Variants in ZFHX3 observed in about 807,000 individuals in gnomAD.
ZFHX3 encodes zinc finger homeobox protein 3.
Under a neutral mutation model 279.1 loss-of-function variants are expected in ZFHX3, and 42 were observed. The observed-to-expected ratio is 0.15, with a 90% CI of 0.12 to 0.19. ZFHX3 has a LOEUF of 0.19. Ranked by LOEUF, ZFHX3 falls within the 10% of genes least tolerant of loss-of-function variation. The pLI is 1.00. For synonymous variants in ZFHX3, 2,293 were observed against 1,957.8 expected (o/e 1.17, Z -4.52); for missense variants, 4,981 against 4,754.0 (o/e 1.05, Z -1.40).
intron 3 of ZFHX3, among the ~76,000 whole-genome samples, chr16:72,939,832 C>A (rs1051783192): frequency 6.6e-6 from 1 of 152,070 alleles, no homozygotes; most frequent in African/African-American, 2.4e-5. Flanking sequence ...AGGTTGTGTG[C>A]AGTGCTGTGA....
At chr16:72,931,246 ATT>A (rs1366930090) in intron 3 of ZFHX3, among the ~76,000 whole-genome samples, 1 of 152,110 alleles carries the variant, frequency 6.6e-6, no homozygotes, top group Non-Finnish European at 1.5e-5. Context: ...GCTTGGTGAG[ATT>A]TTGTTTCTGT....
intron 2 of ZFHX3, among the ~76,000 whole-genome samples, chr16:73,591,804 C>T (rs1597016148): frequency 8.4e-6 from 1 of 118,476 alleles, no homozygotes; most frequent in African/African-American, 3.2e-5. Flanking sequence ...GGATGTGGAT[C>T]TTGATTCAAG....
intron 2 of ZFHX3, among the ~76,000 whole-genome samples, chr16:73,645,928 C>G (rs2052614568): frequency 6.6e-6 from 1 of 152,158 alleles, no homozygotes; most frequent in Non-Finnish European, 1.5e-5. Context: ...GTAGCTCATT[C>G]TCCTAAAGCC....
chr16:73,290,105 G>T (rs1294791946), intron 4 of ZFHX3, among the ~76,000 whole-genome samples: 2 of 151,746 alleles, frequency 1.3e-5, no homozygotes, highest in Non-Finnish European at 2.9e-5. Flanking sequence ...TAAATCACAA[G>T]GTTTCAAACA....
intron 2 of ZFHX3, among the ~76,000 whole-genome samples, chr16:73,611,806 C>T (rs911624679): frequency 6.6e-6 from 1 of 152,168 alleles, no homozygotes; most frequent in African/African-American, 2.4e-5. Flanking sequence ...CCACCACCCA[C>T]TTTTATTAAT....
intron 2 of ZFHX3, among the ~76,000 whole-genome samples, chr16:73,597,524 A>G (rs1398615040): frequency 1.3e-5 from 2 of 152,232 alleles, no homozygotes. Flanking sequence ...TAAGATGAGA[A>G]CATATGGGAT....
At chr16:72,914,679 G>A (rs2039397279) in intron 3 of ZFHX3, among the ~76,000 whole-genome samples, 1 of 152,136 alleles carries the variant, frequency 6.6e-6, no homozygotes, top group Admixed American at 6.5e-5. Flanking sequence ...AAGAACTGCT[G>A]CATTCTTACC....
intron 3 of ZFHX3, among the ~76,000 whole-genome samples, chr16:72,916,516 G>A (rs1192261027): frequency 1.3e-5 from 2 of 152,220 alleles, no homozygotes; most frequent in African/African-American, 4.8e-5. Context: ...AACAAAGTTA[G>A]TCAAAAAGTC....
chr16:73,220,845 A>T (rs1347082216), intron 5 of ZFHX3, among the ~76,000 whole-genome samples: 3 of 152,076 alleles, frequency 2.0e-5, no homozygotes, highest in Admixed American at 2.0e-4. Flanking sequence ...TTTCATAAGG[A>T]TGCTCTATAG....
intron 1 of ZFHX3, among the ~76,000 whole-genome samples, chr16:73,801,585 A>G (rs1431565535): frequency 1.3e-5 from 2 of 152,240 alleles, no homozygotes; most frequent in Non-Finnish European, 2.9e-5. Flanking sequence ...TTTTAGGCAT[A>G]TCACTTCATT....
At chr16:73,481,382 A>G (rs77827243) in intron 2 of ZFHX3, among the ~76,000 whole-genome samples, 7,461 of 151,370 alleles carry the variant, frequency 0.049, 251 homozygotes, top group Middle Eastern at 0.11. Context: ...AGCCAAGTTG[A>G]CACATTGCTT....
At chr16:73,820,162 T>C (rs967272612) in intron 1 of ZFHX3, among the ~76,000 whole-genome samples, 3 of 152,108 alleles carry the variant, frequency 2.0e-5, no homozygotes, top group African/African-American at 7.2e-5. Context: ...CAATCTCAGC[T>C]CACTGCAAGC....
At chr16:73,167,579 T>G (rs1422022961) in intron 5 of ZFHX3, among the ~76,000 whole-genome samples, 2 of 152,250 alleles carry the variant, frequency 1.3e-5, no homozygotes, top group African/African-American at 4.8e-5. Flanking sequence ...TCCGATCTGC[T>G]GTGTATCATA....
At chr16:73,233,451 T>C (rs1264486782) in intron 5 of ZFHX3, among the ~76,000 whole-genome samples, 2 of 152,236 alleles carry the variant, frequency 1.3e-5, no homozygotes, top group Admixed American at 1.3e-4. Flanking sequence ...TACCTTCTGA[T>C]AGCAGGAGCT....
chr16:73,164,428 G>T (rs1313217642), intron 5 of ZFHX3, among the ~76,000 whole-genome samples: 1 of 152,164 alleles, frequency 6.6e-6, no homozygotes, highest in Non-Finnish European at 1.5e-5. Context: ...GGCCGGGCAT[G>T]GTGGCTCACA....
chr16:73,164,366 G>A (rs1422441750), intron 5 of ZFHX3, among the ~76,000 whole-genome samples: 1 of 152,142 alleles, frequency 6.6e-6, no homozygotes, highest in African/African-American at 2.4e-5. Context: ...GATCTTTCAA[G>A]GACCAGCTCA....
intron 1 of ZFHX3, among the ~76,000 whole-genome samples, chr16:73,734,411 A>C (rs1420983752): frequency 6.6e-6 from 1 of 152,248 alleles, no homozygotes; most frequent in African/African-American, 2.4e-5. Context: ...AATATTCAAA[A>C]GAATAATGAA....
At chr16:73,843,670 C>T (rs1285283214) in intron 1 of ZFHX3, among the ~76,000 whole-genome samples, 2 of 152,208 alleles carry the variant, frequency 1.3e-5, no homozygotes, top group African/African-American at 4.8e-5. Flanking sequence ...CCCCGCTTCT[C>T]ACAGCAAGAT....
intron 4 of ZFHX3, among the ~76,000 whole-genome samples, chr16:72,875,487 G>T (rs2038285917): frequency 6.6e-6 from 1 of 152,230 alleles, no homozygotes; most frequent in Admixed American, 6.5e-5. Context: ...CCTGCTAGAG[G>T]CCAGATCATT....
Sources: allele counts gnomAD v4.1 joint callset (sites outside exome capture counted in the v4.1 genomes callset), GRCh38; gene constraint gnomAD v4.1.1; transcripts MANE v1.5; gene names NCBI Gene and HGNC (gene_info 2026-07-23, HGNC 2026-07-21).